PVT1: variants seen among roughly 807,000 people sequenced by gnomAD.
PVT1 encodes the protein CXCR4/PVT1 fusion.
intron 2 of PVT1, among the ~76,000 whole-genome samples, chr8:127,879,613 C>G (rs1282897265): frequency 6.6e-6 from 1 of 152,216 alleles, no homozygotes. Context: ...CTAGCTCTGT[C>G]TCTTGCTGAC....
chr8:127,846,877 C>T (rs72609868), intron 2 of PVT1, among the ~76,000 whole-genome samples: 79,809 of 150,296 alleles, frequency 0.53, 21,636 homozygotes, highest in Admixed American at 0.65. Flanking sequence ...GATGGGGTTT[C>T]GCCATTTGGG....
chr8:127,924,435 C>T (rs1459222945), intron 3 of PVT1, among the ~76,000 whole-genome samples: 1 of 151,578 alleles, frequency 6.6e-6, no homozygotes, highest in Non-Finnish European at 1.5e-5. Context: ...CTCCCGGGTT[C>T]AGGCTATTCT....
intron 3 of PVT1, among the ~76,000 whole-genome samples, chr8:127,942,217 G>A (rs901348942): frequency 6.6e-6 from 1 of 152,206 alleles, no homozygotes; most frequent in Admixed American, 6.5e-5. Context: ...AATGTGGAAG[G>A]GATAATGAAG....
intron 2 of PVT1, chr8:127,855,143 A>C: frequency 2.5e-6 from 1 of 398,688 alleles, no homozygotes; most frequent in Non-Finnish European, 4.4e-6. Flanking sequence ...GGCTGCTGGA[A>C]TCTTCCCTAA....
At chr8:127,855,628 G>A (rs543481313) in intron 2 of PVT1, among the ~76,000 whole-genome samples, 2 of 152,332 alleles carry the variant, frequency 1.3e-5, no homozygotes, top group East Asian at 3.9e-4. Flanking sequence ...CCCCAGGAGA[G>A]ACTGGAGAGC....
chr8:128,062,372 A>G (rs1158365393), intron 4 of PVT1, among the ~76,000 whole-genome samples: 2 of 152,202 alleles, frequency 1.3e-5, no homozygotes, highest in East Asian at 1.9e-4. Flanking sequence ...AACATTTCCT[A>G]GGATACTCTT....
intron 2 of PVT1, among the ~76,000 whole-genome samples, chr8:127,841,395 T>C (rs1669866236): frequency 6.6e-6 from 1 of 152,216 alleles, no homozygotes; most frequent in African/African-American, 2.4e-5. Context: ...CGCCTCAGCC[T>C]CTCAAGTAGC....
chr8:127,992,486 A>G (rs117813169), intron 4 of PVT1, among the ~76,000 whole-genome samples: 2,927 of 152,192 alleles, frequency 0.019, 42 homozygotes, highest in South Asian at 0.035. Context: ...CAATCCTCCC[A>G]CCTCAGTCTC....
intron 4 of PVT1, among the ~76,000 whole-genome samples, chr8:128,039,675 G>C (rs1239713859): frequency 6.6e-6 from 1 of 152,170 alleles, no homozygotes; most frequent in Non-Finnish European, 1.5e-5. Flanking sequence ...TGTTGAGATG[G>C]GACCATCGGA....
At chr8:128,025,438 G>GGT (rs2130060927) in intron 4 of PVT1, among the ~76,000 whole-genome samples, 1 of 152,276 alleles carries the variant, frequency 6.6e-6, no homozygotes, top group Non-Finnish European at 1.5e-5. Context: ...ACACTGGCAA[G>GGT]GTGCCTGAGA....
intron 4 of PVT1, among the ~76,000 whole-genome samples, chr8:128,012,656 GTCAAACAGTCAACTCA>G (rs1817327121): frequency 6.6e-6 from 1 of 152,182 alleles, no homozygotes; most frequent in Admixed American, 6.5e-5. Context: ...GGAAACAGTA[GTCAAACAGTCAACTCA>G]TTCTTTCTTG....
At chr8:127,909,848 A>T (rs1473239154) in intron 3 of PVT1, among the ~76,000 whole-genome samples, 1 of 151,398 alleles carries the variant, frequency 6.6e-6, no homozygotes, top group Non-Finnish European at 1.5e-5. Context: ...ACTGGAGTGG[A>T]GGGTTGTGGG....
At chr8:127,809,924 CAA>C (rs912692436) in intron 2 of PVT1, among the ~76,000 whole-genome samples, 5 of 152,216 alleles carry the variant, frequency 3.3e-5, no homozygotes, top group African/African-American at 1.2e-4. Context: ...TTTCACAAAA[CAA>C]AAGAGTTCAT....
chr8:127,809,306 C>G (rs1277242629), intron 2 of PVT1, among the ~76,000 whole-genome samples: 1 of 152,144 alleles, frequency 6.6e-6, no homozygotes, highest in East Asian at 1.9e-4. Flanking sequence ...ATCCTCCCAC[C>G]TCAGCCTCCA....
At chr8:128,019,577 C>T (rs147971111) in intron 4 of PVT1, among the ~76,000 whole-genome samples, 33 of 152,316 alleles carry the variant, frequency 2.2e-4, no homozygotes, top group African/African-American at 6.5e-4. Context: ...ATGCTCACAA[C>T]GTTTGCTTTT....
rs34973809 is a variant in PVT1, at chr8:127,973,680, G to GAA, written n.783-15470_783-15469dup. 6.7e-3 allele frequency among the ~76,000 whole-genome samples: 956 copies of GAA among 143,564 alleles called. 10 individuals carry two copies. The highest frequency in any genetic ancestry group is 0.031 in the South Asian group (138 of 4,510). The allele number at this position is 143,564 out of a possible 152,430, so 94.2% of individuals were successfully genotyped here. A position where few individuals can be genotyped will look rare whatever the true frequency, so the allele number is the denominator to read the frequency against. On this transcript the variant is annotated intron_variant and non_coding_transcript_variant, in intron 3 of 10. Transcript: ENST00000651587. ...AGAAGCTGACCCAAGTTGCCTTTTT[G>GAA]AAAAAAAAAAAAAGAAGGCCAAACA...
intron 3 of PVT1, among the ~76,000 whole-genome samples, chr8:127,945,662 T>C (rs1389032980): frequency 6.6e-6 from 1 of 152,194 alleles, no homozygotes; most frequent in Non-Finnish European, 1.5e-5. Context: ...CGATTCCCTT[T>C]CCCTGTTCCT....
intron 3 of PVT1, among the ~76,000 whole-genome samples, chr8:127,892,782 A>T (rs1256738131): frequency 6.6e-6 from 1 of 152,034 alleles, no homozygotes; most frequent in East Asian, 1.9e-4. Context: ...GGGGCTGCTG[A>T]GGGTCTGGAG....
At chr8:127,883,112 A>G (rs974704324) in intron 2 of PVT1, among the ~76,000 whole-genome samples, 8 of 151,534 alleles carry the variant, frequency 5.3e-5, no homozygotes, top group Non-Finnish European at 1.2e-4. Flanking sequence ...CAGAAGGCTC[A>G]GAGACAGAGA....
Sources: gnomAD v4.1 joint callset for allele counts (sites outside exome capture counted in the v4.1 genomes callset) on GRCh38, gnomAD v4.1.1 for gene constraint, MANE v1.5 for transcripts, NCBI Gene and HGNC (gene_info 2026-07-23, HGNC 2026-07-21) for gene names.